The following MARCHF1 variants were observed in gnomAD, a reference collection of about 807,000 sequenced individuals.
The protein encoded by MARCHF1 is E3 ubiquitin-protein ligase MARCHF1.
Under a neutral mutation model 54.2 loss-of-function variants are expected in MARCHF1, and 40 were observed. That is an observed-to-expected ratio of 0.74 (90% CI 0.57 to 0.96). The LOEUF (loss-of-function observed/expected upper bound fraction) is 0.96, where lower values mean the gene tolerates loss of function less well. MARCHF1 is among the 40% of genes least tolerant of loss of function. The probability of loss-of-function intolerance (pLI) is 0.00; values close to 1 mark genes in which losing one functional copy is unlikely to be tolerated. For synonymous variants in MARCHF1, 236 were observed against 236.3 expected (o/e 1.00, Z 0.01); for missense variants, 586 against 656.5 (o/e 0.89, Z 1.17).
intron 5 of MARCHF1, among the ~76,000 whole-genome samples, chr4:163,686,932 A>G (rs924286379): frequency 4.6e-5 from 7 of 152,166 alleles, no homozygotes; most frequent in African/African-American, 1.7e-4. Context: ...TTGCAAAACA[A>G]ATATCTTCTA....
intron 1 of MARCHF1, among the ~76,000 whole-genome samples, chr4:164,289,599 A>AT: frequency 6.6e-6 from 1 of 151,732 alleles, no homozygotes; most frequent in Admixed American, 6.6e-5. Context: ...AAAAAAAAAA[A>AT]AAAAAACCTG....
Position 164,022,359 on chromosome 4 carries a change from A to G in MARCHF1, c.-247-33650T>C, listed in dbSNP as rs117903640. Among the ~76,000 whole-genome samples, 38 of 152,340 alleles carry G rather than the reference A, an allele frequency of 2.5e-4. 1 individual carries two copies. The East Asian group carries it at 5.0e-3, about 20-fold the overall frequency. The stretch of plus-strand genomic sequence containing the variant: ...ACAGACCAAAATATAGAGTAAACCA[A>G]CATACTTTGGCAGATCTTTGGATAG... On this transcript the variant is annotated intron_variant, in intron 2 of 9. Transcript: ENST00000514618.
intron 1 of MARCHF1, among the ~76,000 whole-genome samples, chr4:164,232,532 AACT>A (rs1732441909): frequency 6.6e-6 from 1 of 152,184 alleles, no homozygotes; most frequent in African/African-American, 2.4e-5. Context: ...TGAAGGTTAG[AACT>A]ACTATTTCTA....
intron 1 of MARCHF1, among the ~76,000 whole-genome samples, chr4:164,147,042 AC>A (rs1190812382): frequency 2.6e-5 from 4 of 152,012 alleles, no homozygotes; most frequent in African/African-American, 9.7e-5. Context: ...TCAAAAGAAG[AC>A]ATTTATGCAG....
At chr4:163,798,505 A>G (rs1747986578) in intron 4 of MARCHF1, among the ~76,000 whole-genome samples, 1 of 152,178 alleles carries the variant, frequency 6.6e-6, no homozygotes, top group Admixed American at 6.6e-5. Flanking sequence ...GACCTGGGTT[A>G]TATTTACAAG....
At chr4:164,063,430 G>C (rs1332338580) in intron 2 of MARCHF1, among the ~76,000 whole-genome samples, 1 of 152,144 alleles carries the variant, frequency 6.6e-6, no homozygotes, top group Non-Finnish European at 1.5e-5. Context: ...GCTCCACCTT[G>C]TACTTTTATG....
Position 163,528,615 on chromosome 4 carries a change from AAGTC to A in MARCHF1, c.*129_*132del. On this transcript the variant is annotated 3_prime_UTR_variant, in exon 10 of 10. Transcript: ENST00000514618. ...GTTTTTCTCCTTTCCTCTTTGAACA[AAGTC>A]AGGAAAAATGTGTCAGTAGGAGAAA... is the stretch of plus-strand genomic sequence containing the variant. 3 of 929,250 alleles carry A rather than the reference AAGTC, an allele frequency of 3.2e-6. No homozygotes were observed. The highest frequency in any genetic ancestry group is 4.8e-6 in the Non-Finnish European group (3 of 630,026). 57.6% of individuals were successfully genotyped at this position (929,250 alleles called of 1,614,324 possible).
At chr4:163,918,531 G>A (rs934174202) in intron 3 of MARCHF1, among the ~76,000 whole-genome samples, 6 of 152,058 alleles carry the variant, frequency 3.9e-5, no homozygotes, top group Admixed American at 6.6e-5. Context: ...ATCTGATTGT[G>A]GGGGAAATCC....
At chr4:163,746,850 T>C (rs1377200806) in intron 4 of MARCHF1, among the ~76,000 whole-genome samples, 1 of 152,196 alleles carries the variant, frequency 6.6e-6, no homozygotes, top group Admixed American at 6.5e-5. Flanking sequence ...TCCTCATCAT[T>C]GTGTATCAGC....
chr4:163,900,465 C>A (rs1750915670), intron 3 of MARCHF1, among the ~76,000 whole-genome samples: 1 of 151,886 alleles, frequency 6.6e-6, no homozygotes, highest in Admixed American at 6.6e-5. Context: ...CAGGCCTAAA[C>A]AATAGTACCT....
At chr4:163,767,664 C>A (rs555281732) in intron 4 of MARCHF1, among the ~76,000 whole-genome samples, 2 of 152,106 alleles carry the variant, frequency 1.3e-5, no homozygotes, top group Admixed American at 1.3e-4. Context: ...AGCAGAGACA[C>A]CAAAGTTGAT....
chr4:163,718,397 C>G (rs956385426), intron 4 of MARCHF1, among the ~76,000 whole-genome samples: 6 of 152,284 alleles, frequency 3.9e-5, no homozygotes, highest in Non-Finnish European at 7.4e-5. Flanking sequence ...TTTTTGCAAT[C>G]TACGCATCTG....
At chr4:164,067,648 AC>A (rs1342246419) in intron 2 of MARCHF1, among the ~76,000 whole-genome samples, 1 of 152,106 alleles carries the variant, frequency 6.6e-6, no homozygotes, top group East Asian at 1.9e-4. Flanking sequence ...CCTAGGAAAT[AC>A]CCTTTTTTAC....
intron 1 of MARCHF1, among the ~76,000 whole-genome samples, chr4:164,113,864 C>G (rs934535830): frequency 2.0e-5 from 3 of 151,766 alleles, no homozygotes; most frequent in Non-Finnish European, 4.4e-5. Flanking sequence ...TTGAGCACAA[C>G]ACTTCTCAGG....
At chr4:163,747,888 G>C (rs1746407072) in intron 4 of MARCHF1, among the ~76,000 whole-genome samples, 1 of 152,210 alleles carries the variant, frequency 6.6e-6, no homozygotes, top group Non-Finnish European at 1.5e-5. Flanking sequence ...CAGGTATGCG[G>C]TATAAGAGCA....
rs1162441726 is a variant in MARCHF1, at chr4:164,012,891, C to T, written c.-247-24182G>A. Among the ~76,000 whole-genome samples, 5 of 152,254 alleles carry T rather than the reference C, an allele frequency of 3.3e-5. No homozygotes were observed. The East Asian group carries it at 9.7e-4, about 29-fold the overall frequency. On this transcript the variant is annotated intron_variant, in intron 2 of 9. Transcript: ENST00000514618. ...GGCTTTGGTCACAATACTCACTCCC[C>T]TTGGAATTTGTAAAAAGCCCTCTCA...
At chr4:164,173,664 T>A (rs56654618) in intron 1 of MARCHF1, among the ~76,000 whole-genome samples, 2 of 151,964 alleles carry the variant, frequency 1.3e-5, no homozygotes, top group African/African-American at 4.8e-5. Flanking sequence ...GTTGTTTAAA[T>A]GAACCTTGCA....
At chr4:163,632,362 A>G (rs1742123401) in intron 5 of MARCHF1, among the ~76,000 whole-genome samples, 1 of 152,314 alleles carries the variant, frequency 6.6e-6, no homozygotes, top group East Asian at 1.9e-4. Flanking sequence ...GTAGTGCCAG[A>G]CAGTGGGCGC....
chr4:164,302,819 A>C (rs1488732443), intron 1 of MARCHF1, among the ~76,000 whole-genome samples: 1 of 148,664 alleles, frequency 6.7e-6, no homozygotes, highest in East Asian at 2.0e-4. Context: ...CAGTGAACCG[A>C]GATCATGTCA....
Sources: gnomAD v4.1 joint callset for allele counts (sites outside exome capture counted in the v4.1 genomes callset) on GRCh38, gnomAD v4.1.1 for gene constraint, MANE v1.5 for transcripts, NCBI Gene and HGNC (gene_info 2026-07-23, HGNC 2026-07-21) for gene names.